Variants in TANC1 observed in about 807,000 individuals in gnomAD.
TANC1 encodes the protein tetratricopeptide repeat, ankyrin repeat and coiled-coil containing 1, also known as protein TANC1.
Under a neutral mutation model 149.7 loss-of-function variants are expected in TANC1, and 77 were observed. The ratio of observed to expected loss-of-function variants is 0.51; its 90% CI spans 0.43 to 0.62. TANC1 has a LOEUF of 0.62. TANC1 is among the 20% of genes least tolerant of loss of function. The pLI, the probability that TANC1 is intolerant of heterozygous loss-of-function variation, is 0.00. For missense variants in TANC1, 1,985 were observed against 2,321.8 expected, an observed-to-expected ratio of 0.85 and a Z score of 2.98; for synonymous variants, 854 against 925.0, an observed-to-expected ratio of 0.92 and a Z score of 1.39.
intron 3 of TANC1, among the ~76,000 whole-genome samples, chr2:159,072,517 C>T (rs950445823): frequency 6.6e-6 from 1 of 152,194 alleles, no homozygotes; most frequent in Admixed American, 6.5e-5. Context: ...GGGTTGAATA[C>T]GAATACCTTT....
chr2:159,088,143 G>A (rs140511999), intron 3 of TANC1, among the ~76,000 whole-genome samples: 9 of 152,090 alleles, frequency 5.9e-5, no homozygotes, highest in African/African-American at 1.9e-4. Flanking sequence ...ATGGAACTTT[G>A]TTACAGCAGC....
At position 159,231,446 on chromosome 2, in the gene TANC1, T is replaced by G. The variant is rs1202590911; in HGVS notation, c.*434T>G. The G allele has an allele frequency of 6.3e-6, 1 of 158,022 alleles. No homozygotes were observed. The highest frequency in any genetic ancestry group is 1.8e-4 in the East Asian group (1 of 5,418). 9.8% of individuals were successfully genotyped at this position (158,022 alleles called of 1,614,324 possible). A position where few individuals can be genotyped will look rare whatever the true frequency, so the allele number is the denominator to read the frequency against. On this transcript the variant is annotated 3_prime_UTR_variant, in exon 27 of 27. Coordinates refer to ENST00000263635, the MANE Select transcript of TANC1 (RefSeq NM_033394.3). ...TCTGGAAACGATGGAATTTTACAGT[T>G]ACAGTTCCATTGAGTCAAATCCCAT...
Position 159,224,384 on chromosome 2 carries a change from A to G in TANC1, c.3811+20A>G, listed in dbSNP as rs368533121. On this transcript the variant is annotated intron_variant, in intron 23 of 26. Transcript: ENST00000263635. ...AGTTAGGTCAGTGAGCACTGCCTCCATTGAGCAGGAGGAGCGGTGAGCTCC... is the reference window on the plus strand; with the variant it reads ...AGTTAGGTCAGTGAGCACTGCCTCCGTTGAGCAGGAGGAGCGGTGAGCTCC... The G allele has an allele frequency of 4.8e-5, 78 of 1,613,884 alleles. No homozygotes were observed. Among genetic ancestry groups the G allele is most frequent in the Non-Finnish European group, 5.9e-5 (70 of 1,179,992 alleles).
At chr2:159,225,936 C>A in intron 24 of TANC1, 157 bp downstream of exon 24, 1 of 680,974 alleles carries the variant, frequency 1.5e-6, no homozygotes. Flanking sequence ...AACTCCAGCA[C>A]TTTTGGAGGC....
rs530256540 is a variant in TANC1 at position 159,221,339 on chromosome 2, C to T, written c.3678+1472C>T. On this transcript the variant is annotated intron_variant, in intron 22 of 26. Transcript: ENST00000263635. The stretch of plus-strand genomic sequence containing the variant: ...GAGGCTGCAGTGAGCCAAGATCATA[C>T]CATTGCACTCCAGCCTGGGCAACAG... 3.3e-5 allele frequency among the ~76,000 whole-genome samples: 5 copies of T among 152,244 alleles called. No individual in the cohort carries two copies. The South Asian group carries it at 1.0e-3, about 32-fold the overall frequency.
In TANC1 at chr2:159,060,166, T is replaced by G. The variant is rs142685905; in HGVS notation, c.-15-5730T>G. 6.5e-4 allele frequency: 448 copies of G among 688,200 alleles called. 4 individuals carry two copies. The African/African-American group carries it at 8.1e-3, about 12-fold the overall frequency. 42.6% of individuals were successfully genotyped at this position (688,200 alleles called of 1,614,324 possible). ...CTTTTCAAGCTTCTAACACAGAGGA[T>G]GTTTTTGATGCTTCTTTGAAGCAAA... is the stretch of plus-strand genomic sequence containing the variant. On this transcript the variant is annotated intron_variant, in intron 2 of 26. Transcript: ENST00000263635.
At chr2:159,165,724 C>T (rs1030511867) in intron 8 of TANC1, among the ~76,000 whole-genome samples, 2 of 152,236 alleles carry the variant, frequency 1.3e-5, no homozygotes, top group Non-Finnish European at 2.9e-5. Flanking sequence ...ACAGAAATCT[C>T]TTAGAAGTAT....
At chr2:159,120,203 T>C (rs2048703898) in intron 4 of TANC1, among the ~76,000 whole-genome samples, 1 of 151,958 alleles carries the variant, frequency 6.6e-6, no homozygotes, top group South Asian at 2.1e-4. Flanking sequence ...GTGACAATAG[T>C]GTATGTGCTG....
At chr2:159,155,772 C>T (rs540421094) in intron 7 of TANC1, among the ~76,000 whole-genome samples, 5 of 152,230 alleles carry the variant, frequency 3.3e-5, no homozygotes, top group African/African-American at 4.8e-5. Context: ...GGAATACCTT[C>T]GTAGAAACAC....
chr2:159,124,697 A>G (rs757517686), intron 4 of TANC1, among the ~76,000 whole-genome samples: 4 of 152,054 alleles, frequency 2.6e-5, no homozygotes, highest in Non-Finnish European at 2.9e-5. Context: ...AATTGTTTGT[A>G]GCTATTTTCT....
chr2:159,162,658 C>T (rs2054159477), intron 7 of TANC1, among the ~76,000 whole-genome samples: 1 of 152,166 alleles, frequency 6.6e-6, no homozygotes, highest in Admixed American at 6.5e-5. Flanking sequence ...TATACCTTCT[C>T]CTGCTGGTAC....
chr2:159,196,885 C>G, intron 18 of TANC1, 92 bp downstream of exon 18: 1 of 1,266,832 alleles, frequency 7.9e-7, no homozygotes, highest in Non-Finnish European at 1.1e-6. Flanking sequence ...AAGGAGGATG[C>G]CAAGAACTAG....
At chr2:159,111,625 A>C (rs2047732901) in intron 4 of TANC1, among the ~76,000 whole-genome samples, 1 of 152,306 alleles carries the variant, frequency 6.6e-6, no homozygotes, top group Admixed American at 6.5e-5. Context: ...AATCCCGTAT[A>C]GGAGGGGCAC....
chr2:159,128,527 C>T (rs775999654), intron 4 of TANC1, among the ~76,000 whole-genome samples: 6 of 152,186 alleles, frequency 3.9e-5, no homozygotes, highest in Non-Finnish European at 7.3e-5. Flanking sequence ...TTGGTCAGTT[C>T]ATTTTCTGTC....
intron 2 of TANC1, among the ~76,000 whole-genome samples, chr2:159,034,329 C>G (rs1046142825): frequency 1.3e-5 from 2 of 152,210 alleles, no homozygotes; most frequent in Non-Finnish European, 2.9e-5. Context: ...TTCCCTCTCT[C>G]CCCTGTTTTT....
At chr2:159,130,825 C>T (rs919461424) in intron 4 of TANC1, among the ~76,000 whole-genome samples, 9 of 152,180 alleles carry the variant, frequency 5.9e-5, no homozygotes, top group East Asian at 1.9e-4. Context: ...GGACTACAGG[C>T]GTGCACCACC....
At chr2:159,093,857 ATCTGCACCAC>A (rs1243333047) in intron 3 of TANC1, among the ~76,000 whole-genome samples, 1 of 151,944 alleles carries the variant, frequency 6.6e-6, no homozygotes, top group Non-Finnish European at 1.5e-5. Flanking sequence ...TTGGAAACTC[ATCTGCACCAC>A]ATTTGCAATT....
chr2:159,202,665 G>T (rs1575230111), intron 19 of TANC1, among the ~76,000 whole-genome samples: 2 of 152,226 alleles, frequency 1.3e-5, no homozygotes, highest in South Asian at 4.2e-4. Context: ...CAGAGCAGAT[G>T]ATGAATGCCT....
At chr2:159,180,050 A>C (rs1342434911) in intron 14 of TANC1, among the ~76,000 whole-genome samples, 1 of 152,130 alleles carries the variant, frequency 6.6e-6, no homozygotes, top group Admixed American at 6.5e-5. Flanking sequence ...TCCAGAAATG[A>C]AGAGGTGAAC....
Sources: allele counts gnomAD v4.1 joint callset (sites outside exome capture counted in the v4.1 genomes callset), GRCh38; gene constraint gnomAD v4.1.1; transcripts MANE v1.5; gene names NCBI Gene and HGNC (gene_info 2026-07-23, HGNC 2026-07-21).